CELSR1: variants seen among roughly 807,000 people sequenced by gnomAD.
CELSR1 encodes the protein adhesion G protein-coupled receptor C1.
A neutral mutation model predicts 249.1 loss-of-function variants in CELSR1; 110 were observed. The ratio of observed to expected loss-of-function variants is 0.44; its 90% CI spans 0.38 to 0.52. The LOEUF (loss-of-function observed/expected upper bound fraction) is 0.52. CELSR1 is among the 20% of genes least tolerant of loss of function. CELSR1 has a pLI of 0.00. For missense variants in CELSR1, 4,109 were observed against 4,296.4 expected (o/e 0.96, Z 1.22); for synonymous variants, 2,113 against 1,900.0 (o/e 1.11, Z -2.92).
intron 2 of CELSR1, among the ~76,000 whole-genome samples, chr22:46,460,132 C>T (rs1219517901): frequency 6.6e-6 from 1 of 152,070 alleles, no homozygotes; most frequent in Non-Finnish European, 1.5e-5. Flanking sequence ...GCTGAGATCA[C>T]ACCACTGAAC....
At position 46,535,119 on chromosome 22, in the gene CELSR1, G is replaced by T; in HGVS notation, c.2052C>A (p.Asp684Glu). Residue 684 changes from aspartate (D) to glutamate (E), a missense_variant, in exon 1 of 35, where the codon GAC becomes GAA. Transcript: ENST00000674500. Reference protein sequence around the residue: ...SITVLDVNDNDPVFTQPTYEL... With the variant: ...SITVLDVNDNEPVFTQPTYEL... ...CGTAGGTGGGCTGCGTGAACACCGG[G>T]TCGTTGTCATTCACGTCCAGCACCG... The T allele has an allele frequency of 6.2e-7, 1 of 1,611,572 alleles. No individual in the cohort carries two copies. The highest frequency in any genetic ancestry group is 8.5e-7 in the Non-Finnish European group (1 of 1,179,848).
intron 1 of CELSR1, among the ~76,000 whole-genome samples, chr22:46,497,410 C>A (rs2080423769): frequency 6.6e-6 from 1 of 152,152 alleles, no homozygotes; most frequent in Non-Finnish European, 1.5e-5. Context: ...GGACTTAATA[C>A]AAAGTCTGGC....
intron 1 of CELSR1, among the ~76,000 whole-genome samples, chr22:46,481,056 G>A (rs895039362): frequency 2.0e-5 from 3 of 152,110 alleles, no homozygotes; most frequent in Non-Finnish European, 2.9e-5. Flanking sequence ...CCAACATGGT[G>A]AAACCCTGTC....
intron 5 of CELSR1, among the ~76,000 whole-genome samples, chr22:46,414,928 G>A (rs977450341): frequency 5.9e-5 from 9 of 152,296 alleles, no homozygotes; most frequent in South Asian, 2.1e-4. Context: ...TCCCTGCACC[G>A]GAATCGCAGC....
intron 5 of CELSR1, among the ~76,000 whole-genome samples, chr22:46,422,843 G>A (rs923682726): frequency 6.6e-6 from 1 of 151,556 alleles, no homozygotes; most frequent in East Asian, 1.9e-4. Flanking sequence ...AAGAACTCAA[G>A]TGCATGTAAG....
In CELSR1 at chr22:46,447,267, T is replaced by TA. The variant is rs1263049879; in HGVS notation, c.4184-7857dup. On this transcript the variant is annotated intron_variant, in intron 2 of 34. Coordinates refer to ENST00000674500, the MANE Select transcript of CELSR1 (RefSeq NM_001378328.1). The surrounding 1 kb of genome is among the most constrained non-coding windows in gnomAD (Gnocchi z 4.7). Reference sequence around the variant, plus strand: ...GTGAGCTCTGTGTCTTTTAGCTCTGTATCTTTTATTTTCTAATAGAGCTTT... The same window carrying TA: ...GTGAGCTCTGTGTCTTTTAGCTCTGTAATCTTTTATTTTCTAATAGAGCTTT... Among the ~76,000 whole-genome samples the TA allele has an allele frequency of 2.0e-5, 3 of 152,216 alleles. No individual in the cohort carries two copies. The East Asian group carries it at 5.8e-4, about 29-fold the overall frequency.
At chr22:46,455,945 T>C (rs916528928) in intron 2 of CELSR1, among the ~76,000 whole-genome samples, 6 of 152,208 alleles carry the variant, frequency 3.9e-5, no homozygotes, top group Non-Finnish European at 8.8e-5. Flanking sequence ...TCTCAAAACC[T>C]GGACTCTGTA....
chr22:46,389,113 C>T lies in CELSR1; in HGVS notation c.6555+177G>A, dbSNP rs146739715. On this transcript the variant is annotated intron_variant, in intron 18 of 34. Coordinates refer to ENST00000674500, the MANE Select transcript of CELSR1 (RefSeq NM_001378328.1). The stretch of plus-strand genomic sequence containing the variant: ...TTCCAGAACACTCCCTAACGCTCGT[C>T]GTCAGTTTAGTCAGGCACTGCACCC... 1.3e-3 allele frequency among the ~76,000 whole-genome samples: 193 copies of T among 152,358 alleles called. 2 individuals are homozygous for T. In the East Asian group the frequency reaches 0.032, roughly 25 times the overall value.
At chr22:46,394,089 T>G in intron 14 of CELSR1, 53 bp downstream of exon 14, 2 of 1,590,234 alleles carry the variant, frequency 1.3e-6, no homozygotes, top group Non-Finnish European at 1.7e-6. Context: ...GGGGCAGCTG[T>G]GCATGTGTGT....
rs979696221 is a variant in CELSR1 at position 46,447,583 on chromosome 22, C to G, written c.4184-8172G>C. Reference sequence around the variant, plus strand: ...GCATGCAGCCTGCCAAAAGCTCCCCCTCTCCCCGTAGGAGGGACGCAGGGC... The same window carrying G: ...GCATGCAGCCTGCCAAAAGCTCCCCGTCTCCCCGTAGGAGGGACGCAGGGC... On this transcript the variant is annotated intron_variant, in intron 2 of 34. Coordinates refer to ENST00000674500, the MANE Select transcript of CELSR1 (RefSeq NM_001378328.1). This position sits in a 1 kb window ranked among gnomAD's most constrained non-coding sequence, Gnocchi z 4.7. Among the ~76,000 whole-genome samples the G allele has an allele frequency of 1.3e-5, 2 of 152,194 alleles. No homozygotes were observed. The highest frequency in any genetic ancestry group is 2.9e-5 in the Non-Finnish European group (2 of 68,034).
rs185066507 is a variant in CELSR1, at chr22:46,521,645, C to T, written c.3544+11982G>A. Among the ~76,000 whole-genome samples, 148 of 152,036 alleles carry T rather than the reference C, an allele frequency of 9.7e-4. 1 individual carries two copies. Among genetic ancestry groups the T allele is most frequent in the South Asian group, 8.3e-3 (40 of 4,818 alleles). The stretch of plus-strand genomic sequence containing the variant: ...CATCCTGGCCAACATGGAGAAACCC[C>T]GTCTCTACTAAAAATATAAAAATTA... On this transcript the variant is annotated intron_variant, in intron 1 of 34. Transcript: ENST00000674500.
At chr22:46,377,302 C>A in intron 23 of CELSR1, 41 bp from the exon 24 acceptor site, 2 of 1,594,680 alleles carry the variant, frequency 1.3e-6, no homozygotes, top group Non-Finnish European at 8.6e-7. Context: ...AAGGTAAGGG[C>A]CGAGGCTCAG....
rs1383449943 is a variant in CELSR1, at chr22:46,412,519, C to G, written c.4612-760G>C. On this transcript the variant is annotated intron_variant, in intron 5 of 34. Transcript: ENST00000674500. The surrounding 1 kb of genome is among the most constrained non-coding windows in gnomAD (Gnocchi z 4.5). ...CCCTCTAAGGCGTGGAACTCCCTCT[C>G]TGGGCCAGGATTGGGTACAAGAGTT... is the stretch of plus-strand genomic sequence containing the variant. 6.6e-6 allele frequency among the ~76,000 whole-genome samples: 1 copy of G among 152,198 alleles called. No individual in the cohort carries two copies. Among genetic ancestry groups the G allele is most frequent in the East Asian group, 1.9e-4 (1 of 5,180 alleles).
At chr22:46,367,639 G>A in intron 28 of CELSR1, 90 bp downstream of exon 28, 1 of 1,506,848 alleles carries the variant, frequency 6.6e-7, no homozygotes, top group Non-Finnish European at 8.9e-7. Context: ...GGCTGGTTTG[G>A]GACCGCAGAG....
In CELSR1 at chr22:46,414,537, G is replaced by A. The variant is rs555393382; in HGVS notation, c.4612-2778C>T. ...TGTGGGTTTAACGCGCAGGCTAACCGTCCACTCTCCCGCCTCTCGGCGAGT... is the reference window on the plus strand; with the variant it reads ...TGTGGGTTTAACGCGCAGGCTAACCATCCACTCTCCCGCCTCTCGGCGAGT... On this transcript the variant is annotated intron_variant, in intron 5 of 34. Transcript: ENST00000674500. 1.4e-4 allele frequency among the ~76,000 whole-genome samples: 21 copies of A among 150,684 alleles called. No individual in the cohort carries two copies. The South Asian group carries it at 1.5e-3, about 10-fold the overall frequency.
chr22:46,398,345 G>A lies in CELSR1; in HGVS notation c.5526+179C>T, dbSNP rs1040980872. On this transcript the variant is annotated intron_variant, in intron 11 of 34. Coordinates refer to ENST00000674500, the MANE Select transcript of CELSR1 (RefSeq NM_001378328.1). This position sits in a 1 kb window ranked among gnomAD's most constrained non-coding sequence, Gnocchi z 7.2. ...GACGGCCCGGATGCCAAGGGGAACCGCAGGGGAGAATGGGTCTGAAGAGGA... is the reference window on the plus strand; with the variant it reads ...GACGGCCCGGATGCCAAGGGGAACCACAGGGGAGAATGGGTCTGAAGAGGA... Among the ~76,000 whole-genome samples the A allele has an allele frequency of 2.6e-5, 4 of 152,268 alleles. No individual in the cohort carries two copies. Among genetic ancestry groups the A allele is most frequent in the African/African-American group, 7.2e-5 (3 of 41,552 alleles).
intron 1 of CELSR1, among the ~76,000 whole-genome samples, chr22:46,515,784 A>T (rs1001131909): frequency 6.6e-6 from 1 of 152,284 alleles, no homozygotes; most frequent in South Asian, 2.1e-4. Flanking sequence ...CGGCAGGAGG[A>T]TACACCAGGA....
At position 46,518,378 on chromosome 22, in the gene CELSR1, G is replaced by A. The variant is rs2080650267; in HGVS notation, c.3544+15249C>T. Among the ~76,000 whole-genome samples, 1 of 152,226 alleles carries A rather than the reference G, an allele frequency of 6.6e-6. No individual in the cohort carries two copies. Among genetic ancestry groups the A allele is most frequent in the Admixed American group, 6.5e-5 (1 of 15,280 alleles). ...TCGTTAGAGGAGAACGAAGGGAGTG[G>A]GCTCCCACAGACCACATTGCACTGC... is the stretch of plus-strand genomic sequence containing the variant. On this transcript the variant is annotated intron_variant, in intron 1 of 34. Coordinates refer to ENST00000674500, the MANE Select transcript of CELSR1 (RefSeq NM_001378328.1). This position sits in a 1 kb window ranked among gnomAD's most constrained non-coding sequence, Gnocchi z 5.2.
In CELSR1 at chr22:46,391,623, C is replaced by T; in HGVS notation, c.6148+10G>A. ...CTGTAACCTGCAGGGTGTCGAGGGG[C>T]AACGCGGACCTTCACAGCCGAGCGT... is the stretch of plus-strand genomic sequence containing the variant. On this transcript the variant is annotated intron_variant, in intron 15 of 34. Coordinates refer to ENST00000674500, the MANE Select transcript of CELSR1 (RefSeq NM_001378328.1). The surrounding 1 kb of genome is among the most constrained non-coding windows in gnomAD (Gnocchi z 4.3). 3 of 1,583,918 alleles carry T rather than the reference C, an allele frequency of 1.9e-6. No homozygotes were observed. Among genetic ancestry groups the T allele is most frequent in the South Asian group, 2.3e-5 (2 of 88,248 alleles).
Sources: allele counts gnomAD v4.1 joint callset (sites outside exome capture counted in the v4.1 genomes callset), GRCh38; gene constraint gnomAD v4.1.1; non-coding constraint Gnocchi (gnomAD v3.1); transcripts MANE v1.5; gene names NCBI Gene and HGNC (gene_info 2026-07-23, HGNC 2026-07-21).